GPC6: variants seen among roughly 807,000 people sequenced by gnomAD.
The protein encoded by GPC6 is glypican 6.
In GPC6, 14 loss-of-function variants were observed where a neutral mutation model predicts 55.2. The ratio of observed to expected loss-of-function variants is 0.25; its 90% CI spans 0.17 to 0.40. The LOEUF is 0.40. Among genes scored for constraint, GPC6 ranks in the 10% least tolerant of loss-of-function variants. GPC6 has a pLI of 1.00. For missense variants in GPC6, 641 were observed against 708.5 expected, an observed-to-expected ratio of 0.90 and a Z score of 1.08; for synonymous variants, 278 against 259.6, an observed-to-expected ratio of 1.07 and a Z score of -0.68.
chr13:94,210,797 C>T (rs1020085266), intron 4 of GPC6, among the ~76,000 whole-genome samples: 11 of 152,076 alleles, frequency 7.2e-5, no homozygotes, highest in African/African-American at 2.4e-4. Flanking sequence ...AATCTAAATA[C>T]CTTAGCACAA....
chr13:93,952,963 T>G (rs1054916255), intron 3 of GPC6, among the ~76,000 whole-genome samples: 2 of 150,656 alleles, frequency 1.3e-5, no homozygotes. Context: ...TCAAAACACC[T>G]CTATTATTTA....
At chr13:93,909,750 C>T (rs1219741080) in intron 3 of GPC6, among the ~76,000 whole-genome samples, 1 of 152,110 alleles carries the variant, frequency 6.6e-6, no homozygotes, top group Non-Finnish European at 1.5e-5. Context: ...TATTTCTTAA[C>T]CTTTATTTGA....
chr13:93,277,517 A>G (rs1437226838), intron 1 of GPC6, among the ~76,000 whole-genome samples: 2 of 152,174 alleles, frequency 1.3e-5, no homozygotes, highest in Non-Finnish European at 2.9e-5. Flanking sequence ...ATCTTGTCTC[A>G]TCAGACTAAA....
intron 2 of GPC6, among the ~76,000 whole-genome samples, chr13:93,641,991 CTG>C (rs1327482256): frequency 6.6e-6 from 1 of 151,842 alleles, no homozygotes. Flanking sequence ...AGACATCTAA[CTG>C]GACTTTTGTT....
chr13:93,695,321 A>T lies in GPC6; in HGVS notation c.320-134833A>T, dbSNP rs75144110. Reference sequence around the variant, plus strand: ...GATTGACAGCAGTAGGTATAATGCAAATAACAATATTCCAACATGTTATTT... The same window carrying T: ...GATTGACAGCAGTAGGTATAATGCATATAACAATATTCCAACATGTTATTT... On this transcript the variant is annotated intron_variant, in intron 2 of 8. Coordinates refer to ENST00000377047, the MANE Select transcript of GPC6 (RefSeq NM_005708.5). 8.0e-3 allele frequency among the ~76,000 whole-genome samples: 1,215 copies of T among 152,202 alleles called. 24 individuals are homozygous for T. The highest frequency in any genetic ancestry group is 0.028 in the African/African-American group (1,161 of 41,558).
At chr13:93,568,347 G>A (rs1327520221) in intron 2 of GPC6, among the ~76,000 whole-genome samples, 1 of 152,098 alleles carries the variant, frequency 6.6e-6, no homozygotes, top group African/African-American at 2.4e-5. Flanking sequence ...CATGCTCTCG[G>A]TCCCACAAAA....
chr13:93,403,776 AT>A (rs923114950), intron 1 of GPC6, among the ~76,000 whole-genome samples: 36 of 151,328 alleles, frequency 2.4e-4, no homozygotes, highest in African/African-American at 7.0e-4. Context: ...AATCAAGCTA[AT>A]TTTTTTTTCT....
At chr13:93,798,441 G>A (rs189395066) in intron 2 of GPC6, among the ~76,000 whole-genome samples, 4 of 152,214 alleles carry the variant, frequency 2.6e-5, no homozygotes, top group African/African-American at 7.2e-5. Context: ...TTAATAAGCG[G>A]CAGATGATAT....
chr13:93,825,855 A>ATTTTCTTTTTTTTTTTTTTTTTTTTTTTT (rs1445978069), intron 2 of GPC6, among the ~76,000 whole-genome samples: 2 of 114,646 alleles, frequency 1.7e-5, no homozygotes, highest in Non-Finnish European at 3.8e-5. Flanking sequence ...TTATTTTATT[A>ATTTTCTTTTTTTTTTTTTTTTTTTTTTTT]TTTTCTTTTT....
At chr13:94,062,046 G>T (rs1884348035) in intron 4 of GPC6, among the ~76,000 whole-genome samples, 1 of 152,038 alleles carries the variant, frequency 6.6e-6, no homozygotes, top group African/African-American at 2.4e-5. Context: ...TTAATGCAGG[G>T]ATCTTGCCTA....
chr13:93,754,769 C>A (rs1594428844), intron 2 of GPC6, among the ~76,000 whole-genome samples: 1 of 151,860 alleles, frequency 6.6e-6, no homozygotes, highest in East Asian at 1.9e-4. Context: ...AATTGCATTC[C>A]TATTTAGATT....
At chr13:93,350,927 A>T (rs868071954) in intron 1 of GPC6, among the ~76,000 whole-genome samples, 3 of 152,156 alleles carry the variant, frequency 2.0e-5, no homozygotes, top group Non-Finnish European at 2.9e-5. Context: ...AGAGTCACAC[A>T]CACATACACA....
At chr13:93,955,413 A>G (rs972455226) in intron 3 of GPC6, among the ~76,000 whole-genome samples, 7 of 152,076 alleles carry the variant, frequency 4.6e-5, no homozygotes, top group Non-Finnish European at 8.8e-5. Context: ...ACAGAGTTCA[A>G]TATTCATTAT....
intron 4 of GPC6, among the ~76,000 whole-genome samples, chr13:94,122,815 G>A (rs7983737): frequency 0.016 from 2,484 of 152,068 alleles, 61 homozygotes; most frequent in African/African-American, 0.056. Context: ...GAATTTTAAT[G>A]CTTACTTCAG....
chr13:94,236,404 A>G (rs1019983990), intron 4 of GPC6, among the ~76,000 whole-genome samples: 1 of 152,170 alleles, frequency 6.6e-6, no homozygotes, highest in Non-Finnish European at 1.5e-5. Context: ...ATATTCAGCT[A>G]TTGCTTTGGA....
intron 3 of GPC6, among the ~76,000 whole-genome samples, chr13:93,864,312 A>G (rs1278504851): frequency 2.0e-5 from 3 of 151,740 alleles, no homozygotes; most frequent in African/African-American, 7.2e-5. Context: ...ATCCTCCCAG[A>G]CAAACCCAGT....
chr13:93,887,404 T>G (rs1875405863), intron 3 of GPC6, among the ~76,000 whole-genome samples: 1 of 152,042 alleles, frequency 6.6e-6, no homozygotes, highest in Non-Finnish European at 1.5e-5. Flanking sequence ...TGTTATTTAA[T>G]TAATAGGAAA....
chr13:93,353,877 G>A (rs1012112821), intron 1 of GPC6, among the ~76,000 whole-genome samples: 1 of 152,116 alleles, frequency 6.6e-6, no homozygotes, highest in Non-Finnish European at 1.5e-5. Flanking sequence ...ATCTGTCTCT[G>A]ACAAAATTCA....
intron 1 of GPC6, among the ~76,000 whole-genome samples, chr13:93,322,833 G>C (rs1879505543): frequency 6.6e-6 from 1 of 151,990 alleles, no homozygotes; most frequent in Non-Finnish European, 1.5e-5. Context: ...TATATGTGCA[G>C]AACGTGCATG....
Sources: allele counts gnomAD v4.1 joint callset (sites outside exome capture counted in the v4.1 genomes callset), GRCh38; gene constraint gnomAD v4.1.1; transcripts MANE v1.5; gene names NCBI Gene and HGNC (gene_info 2026-07-23, HGNC 2026-07-21).